Variants in PITPNB observed in about 807,000 individuals in gnomAD.
The protein encoded by PITPNB is phosphatidylinositol transfer protein beta isoform.
PITPNB carries 16 observed loss-of-function variants against 45.9 expected under a neutral mutation model. The observed-to-expected ratio is 0.35, with a 90% CI of 0.24 to 0.53. PITPNB has a LOEUF of 0.53. PITPNB is among the 20% of genes least tolerant of loss of function. PITPNB has a pLI of 0.93. For synonymous variants in PITPNB, 112 were observed against 108.9 expected (o/e 1.03, Z -0.18); for missense variants, 188 against 330.5 (o/e 0.57, Z 3.34).
chr22:27,911,550 A>T (rs921490539), intron 2 of PITPNB, among the ~76,000 whole-genome samples: 2 of 152,268 alleles, frequency 1.3e-5, no homozygotes, highest in African/African-American at 2.4e-5. Flanking sequence ...CTGAGCAACC[A>T]GCATATTGCT....
At chr22:27,899,360 T>C (rs112777373) in intron 3 of PITPNB, among the ~76,000 whole-genome samples, 4,271 of 152,330 alleles carry the variant, frequency 0.028, 63 homozygotes, top group Non-Finnish European at 0.033. Context: ...AGTCTCACTC[T>C]GTTGCCCAGG....
At chr22:27,918,135 G>A (rs1225521186) in intron 1 of PITPNB, among the ~76,000 whole-genome samples, 2 of 152,212 alleles carry the variant, frequency 1.3e-5, no homozygotes, top group African/African-American at 2.4e-5. Flanking sequence ...CCTTGTAGCT[G>A]TTGCAGAGGC....
At chr22:27,919,033 CG>C in intron 1 of PITPNB, 138 bp downstream of exon 1, 1 of 1,047,000 alleles carries the variant, frequency 9.6e-7, no homozygotes. Flanking sequence ...TCGAAGGGGC[CG>C]GGGGAGGGAG....
chr22:27,880,946 T>A (rs748038700), intron 7 of PITPNB, among the ~76,000 whole-genome samples: 12 of 152,196 alleles, frequency 7.9e-5, no homozygotes, highest in Non-Finnish European at 1.5e-4. Flanking sequence ...TCCTTGCTAA[T>A]GTTTAAGCAA....
Position 27,919,248 on chromosome 22 carries a change from G to A in PITPNB, c.-57C>T. The A allele has an allele frequency of 1.4e-6, 2 of 1,481,200 alleles. No individual in the cohort carries two copies. The highest frequency in any genetic ancestry group is 2.3e-5 in the South Asian group (2 of 88,546). The allele number at this position is 1,481,200 out of a possible 1,614,324, so 91.8% of individuals were successfully genotyped here. A position where few individuals can be genotyped will look rare whatever the true frequency, so the allele number is the denominator to read the frequency against. On this transcript the variant is annotated 5_prime_UTR_variant, in exon 1 of 12. Transcript: ENST00000335272. ...TACCACCGCCGCCGCCGCCGCTACC[G>A]CCTCTCACAGCGCCTGCGCGGCCCC...
At chr22:27,911,409 C>T (rs976007487) in intron 2 of PITPNB, among the ~76,000 whole-genome samples, 3 of 152,170 alleles carry the variant, frequency 2.0e-5, no homozygotes, top group South Asian at 4.1e-4. Flanking sequence ...TGTCTCGAAA[C>T]TTGGTTTAAC....
chr22:27,906,076 T>C (rs571309983), intron 3 of PITPNB, among the ~76,000 whole-genome samples: 2 of 152,160 alleles, frequency 1.3e-5, no homozygotes, highest in East Asian at 1.9e-4. Context: ...AAATGACAAA[T>C]ATGATGGATT....
intron 8 of PITPNB, among the ~76,000 whole-genome samples, chr22:27,864,675 C>G (rs1042325999): frequency 2.0e-5 from 3 of 152,164 alleles, no homozygotes; most frequent in Non-Finnish European, 4.4e-5. Context: ...CAGTGGTTCA[C>G]ACCTGTAAAC....
intron 3 of PITPNB, among the ~76,000 whole-genome samples, chr22:27,903,661 A>G (rs761287765): frequency 2.6e-5 from 4 of 151,208 alleles, no homozygotes; most frequent in Admixed American, 6.6e-5. Context: ...CTATGGTCCC[A>G]GCTACTCGAG....
chr22:27,859,369 T>C (rs1248651540), intron 9 of PITPNB, among the ~76,000 whole-genome samples: 1 of 152,144 alleles, frequency 6.6e-6, no homozygotes, highest in African/African-American at 2.4e-5. Context: ...AGTTTAAAAA[T>C]AGAAAAGTTA....
At chr22:27,874,401 C>T (rs1166885769) in intron 7 of PITPNB, among the ~76,000 whole-genome samples, 1 of 152,176 alleles carries the variant, frequency 6.6e-6, no homozygotes, top group South Asian at 2.1e-4. Flanking sequence ...CATAGAAGGA[C>T]TGCACTCACG....
chr22:27,878,842 T>C (rs1934891065), intron 7 of PITPNB, among the ~76,000 whole-genome samples: 1 of 152,196 alleles, frequency 6.6e-6, no homozygotes, highest in Non-Finnish European at 1.5e-5. Flanking sequence ...TAATTGTCAA[T>C]AACTTGTTGG....
intron 2 of PITPNB, among the ~76,000 whole-genome samples, chr22:27,912,056 A>G (rs551392177): frequency 6.6e-6 from 1 of 152,322 alleles, no homozygotes; most frequent in South Asian, 2.1e-4. Context: ...CTTCTAATGA[A>G]AACAGCTTGA....
intron 7 of PITPNB, among the ~76,000 whole-genome samples, chr22:27,892,010 T>C (rs1053264397): frequency 2.0e-5 from 3 of 152,224 alleles, no homozygotes; most frequent in Non-Finnish European, 4.4e-5. Flanking sequence ...TTAGAATGTA[T>C]GTTTTTAGTC....
intron 6 of PITPNB, among the ~76,000 whole-genome samples, chr22:27,896,098 T>C (rs1935423256): frequency 6.6e-6 from 1 of 152,242 alleles, no homozygotes; most frequent in Non-Finnish European, 1.5e-5. Context: ...TTTTGTAAGT[T>C]ATTCAAGTAC....
intron 7 of PITPNB, among the ~76,000 whole-genome samples, chr22:27,882,779 C>T (rs1412197703): frequency 6.6e-6 from 1 of 152,178 alleles, no homozygotes; most frequent in Non-Finnish European, 1.5e-5. Flanking sequence ...TGAAGGAGCA[C>T]TCACATACTA....
At position 27,872,687 on chromosome 22, in the gene PITPNB, A is replaced by G. The variant is rs541386672; in HGVS notation, c.534+1051T>C. 7.2e-5 allele frequency among the ~76,000 whole-genome samples: 11 copies of G among 152,290 alleles called. No individual in the cohort carries two copies. In the South Asian group the frequency reaches 1.7e-3, roughly 23 times the overall value. On this transcript the variant is annotated intron_variant, in intron 8 of 11. Coordinates refer to ENST00000335272, the MANE Select transcript of PITPNB (RefSeq NM_012399.5). ...TCTTATCTGCATGCAACTAGTACCT[A>G]GACATCACTTATCGATGACCTGTAA...
At chr22:27,858,331 T>C (rs1934230054) in intron 10 of PITPNB, 56 bp downstream of exon 10, 2 of 1,345,036 alleles carry the variant, frequency 1.5e-6, no homozygotes, top group Non-Finnish European at 2.1e-6. Context: ...ACCAAGCATG[T>C]ATACAGTTTT....
intron 6 of PITPNB, among the ~76,000 whole-genome samples, chr22:27,896,169 C>T (rs942893565): frequency 6.6e-6 from 1 of 152,176 alleles, no homozygotes; most frequent in African/African-American, 2.4e-5. Flanking sequence ...GCAAAGCAGA[C>T]AAGAGGTAAA....
Sources: allele counts gnomAD v4.1 joint callset (sites outside exome capture counted in the v4.1 genomes callset), GRCh38; gene constraint gnomAD v4.1.1; transcripts MANE v1.5; gene names NCBI Gene and HGNC (gene_info 2026-07-23, HGNC 2026-07-21).